Variants in ST3GAL1 observed in about 807,000 individuals in gnomAD.
ST3GAL1 encodes ST3 beta-galactoside alpha-2,3-sialyltransferase 1.
Under a neutral mutation model 34.1 loss-of-function variants are expected in ST3GAL1, and 16 were observed. The ratio of observed to expected loss-of-function variants is 0.47; its 90% confidence interval spans 0.32 to 0.71. The LOEUF (loss-of-function observed/expected upper bound fraction) is 0.71. ST3GAL1 is among the 30% of genes least tolerant of loss of function. The pLI is 0.04. For missense variants in ST3GAL1, 353 were observed against 447.4 expected (o/e 0.79, Z 1.90); for synonymous variants, 191 against 184.7 (o/e 1.03, Z -0.28).
intron 2 of ST3GAL1, among the ~76,000 whole-genome samples, chr8:133,518,924 A>T (rs1040016211): frequency 1.4e-4 from 21 of 152,202 alleles, no homozygotes; most frequent in Non-Finnish European, 2.9e-4. Context: ...AAGGCTCTGG[A>T]GGAGAATCTG....
chr8:133,551,621 C>A (rs908540186), intron 1 of ST3GAL1, among the ~76,000 whole-genome samples: 4 of 147,702 alleles, frequency 2.7e-5, no homozygotes, highest in African/African-American at 1.0e-4. Context: ...AAAGAAAGAG[C>A]GAGCAAGCCT....
Position 133,458,698 on chromosome 8 carries a change from AG to A in ST3GAL1, c.*1065del, listed in dbSNP as rs1373125636. On this transcript the variant is annotated 3_prime_UTR_variant, in exon 10 of 10. Transcript: ENST00000522652. The stretch of plus-strand genomic sequence containing the variant: ...TGGTGGGGGTCCCTTTTCCCAAGTA[AG>A]GGCTTTTGTTTCATTTCAGCCAATG... 6.6e-6 allele frequency: 1 copy of A among 152,110 alleles called. No individual in the cohort carries two copies. The highest frequency in any genetic ancestry group is 1.5e-5 in the Non-Finnish European group (1 of 68,020). 9.4% of individuals were successfully genotyped at this position (152,110 alleles called of 1,614,324 possible).
intron 3 of ST3GAL1, among the ~76,000 whole-genome samples, chr8:133,497,575 C>A (rs1172139448): frequency 2.1e-5 from 3 of 142,980 alleles, no homozygotes; most frequent in African/African-American, 7.8e-5. Flanking sequence ...TGGGTTCAAG[C>A]AATTCTCCTG....
intron 1 of ST3GAL1, among the ~76,000 whole-genome samples, chr8:133,561,987 G>A (rs1040083432): frequency 2.0e-5 from 3 of 152,028 alleles, no homozygotes; most frequent in Non-Finnish European, 4.4e-5. Flanking sequence ...AGCTACTCAG[G>A]AGGCTGAGGT....
intron 3 of ST3GAL1, among the ~76,000 whole-genome samples, chr8:133,481,717 A>T (rs1005645458): frequency 1.3e-5 from 2 of 151,982 alleles, no homozygotes; most frequent in Admixed American, 1.3e-4. Context: ...GCTGGTCTCG[A>T]ACTCTCGACC....
chr8:133,479,313 A>G (rs749011218), intron 3 of ST3GAL1, among the ~76,000 whole-genome samples: 6 of 151,884 alleles, frequency 4.0e-5, no homozygotes, highest in Non-Finnish European at 8.8e-5. Flanking sequence ...TGGATCAGAC[A>G]CAGTGTGGAG....
intron 7 of ST3GAL1, among the ~76,000 whole-genome samples, chr8:133,463,893 C>A (rs924040369): frequency 1.3e-5 from 2 of 152,172 alleles, no homozygotes; most frequent in African/African-American, 4.8e-5. Flanking sequence ...CAAAGCTGGT[C>A]CCACGGGTGT....
At chr8:133,479,320 GGAGGA>G (rs1418851859) in intron 3 of ST3GAL1, among the ~76,000 whole-genome samples, 1 of 152,110 alleles carries the variant, frequency 6.6e-6, no homozygotes, top group Non-Finnish European at 1.5e-5. Flanking sequence ...GACACAGTGT[GGAGGA>G]GAGGAGTGGG....
chr8:133,550,776 T>C (rs565032595), intron 1 of ST3GAL1, among the ~76,000 whole-genome samples: 60 of 152,312 alleles, frequency 3.9e-4, no homozygotes, highest in Middle Eastern at 3.4e-3. Context: ...TCTGAACCCA[T>C]AAATCATTAT....
At chr8:133,561,108 CTTTTTTT>C (rs765993286) in intron 1 of ST3GAL1, among the ~76,000 whole-genome samples, 7 of 106,226 alleles carry the variant, frequency 6.6e-5, no homozygotes, top group Non-Finnish European at 1.1e-4. Context: ...CCAGAGCCAT[CTTTTTTT>C]TTTTTTTTTT....
rs1815514907 is a variant in ST3GAL1 at position 133,461,739 on chromosome 8, T to C, written c.849+136A>G. ...CCTGGGAGACACATGTTGCAAGTCCTGTCGTAGAGACAGGGAATCCGAGCT... is the reference window on the plus strand; with the variant it reads ...CCTGGGAGACACATGTTGCAAGTCCCGTCGTAGAGACAGGGAATCCGAGCT... On this transcript the variant is annotated intron_variant, in intron 9 of 9. Coordinates refer to ENST00000522652, the MANE Select transcript of ST3GAL1 (RefSeq NM_173344.3). The surrounding 1 kb of genome is among the most constrained non-coding windows in gnomAD (Gnocchi z 4.7). 5 of 1,271,854 alleles carry C rather than the reference T, an allele frequency of 3.9e-6. No homozygotes were observed. The highest frequency in any genetic ancestry group is 4.4e-6 in the Non-Finnish European group (4 of 911,648). The allele number at this position is 1,271,854 out of a possible 1,614,324, so 78.8% of individuals were successfully genotyped here. A position where few individuals can be genotyped will look rare whatever the true frequency, so the allele number is the denominator to read the frequency against.
chr8:133,567,943 G>C (rs116623362), intron 1 of ST3GAL1, among the ~76,000 whole-genome samples: 5,860 of 142,602 alleles, frequency 0.041, 408 homozygotes, highest in African/African-American at 0.14. Flanking sequence ...TTTTTTTTGA[G>C]ACAGTCTCAC....
intron 5 of ST3GAL1, among the ~76,000 whole-genome samples, chr8:133,468,818 G>A (rs938189123): frequency 3.3e-5 from 5 of 152,182 alleles, no homozygotes; most frequent in Admixed American, 6.5e-5. Context: ...AGACTCCTGG[G>A]TGATGCTGCT....
rs1014540940 is a variant in ST3GAL1, at chr8:133,549,555, C to T, written c.-581-3629G>A. The stretch of plus-strand genomic sequence containing the variant: ...AGACTCTTCATGAAGCAACGCATAA[C>T]ATCTTGAACCAATTCTTTCATTGGT... On this transcript the variant is annotated intron_variant, in intron 1 of 9. Coordinates refer to ENST00000522652, the MANE Select transcript of ST3GAL1 (RefSeq NM_173344.3). Among the ~76,000 whole-genome samples, 25 of 152,344 alleles carry T rather than the reference C, an allele frequency of 1.6e-4. 1 individual carries two copies. Among genetic ancestry groups the T allele is most frequent in the African/African-American group, 5.5e-4 (23 of 41,582 alleles).
intron 2 of ST3GAL1, among the ~76,000 whole-genome samples, chr8:133,540,291 G>A (rs796794550): frequency 7.9e-5 from 12 of 152,184 alleles, no homozygotes; most frequent in African/African-American, 2.4e-4. Flanking sequence ...ACAGCTCCTC[G>A]CTGCTGCCCA....
At chr8:133,474,714 G>C (rs1816100835) in intron 5 of ST3GAL1, among the ~76,000 whole-genome samples, 1 of 152,118 alleles carries the variant, frequency 6.6e-6, no homozygotes, top group Non-Finnish European at 1.5e-5. Flanking sequence ...GCAGTGCATG[G>C]TCCTGCTCTT....
intron 2 of ST3GAL1, among the ~76,000 whole-genome samples, chr8:133,522,269 C>T (rs1817834859): frequency 6.6e-6 from 1 of 152,186 alleles, no homozygotes; most frequent in Non-Finnish European, 1.5e-5. Context: ...GCAGACCCAG[C>T]AACATTTTTT....
At chr8:133,512,143 AG>A (rs1817514933) in intron 2 of ST3GAL1, among the ~76,000 whole-genome samples, 1 of 152,196 alleles carries the variant, frequency 6.6e-6, no homozygotes, top group South Asian at 2.1e-4. Context: ...TTGAAAATCA[AG>A]GAAACCAGTG....
In ST3GAL1 at chr8:133,475,942, T is replaced by C; in HGVS notation, c.83A>G (p.Tyr28Cys). 6.2e-7 allele frequency: 1 copy of C among 1,613,456 alleles called. No homozygotes were observed. The highest frequency in any genetic ancestry group is 8.5e-7 in the Non-Finnish European group (1 of 1,179,922). ...FIFLTSFFLN[Y>C]SHTMVATTWF... The stretch of plus-strand genomic sequence containing the variant: ...GGTGGTGGCCACCATGGTGTGGGAG[T>C]AGTTCAGGAAGAAGGAGGTGAGGAA... The change falls in exon 5 of 10, where the codon TAC (tyrosine) becomes TGC (cysteine). Residue 28 changes from tyrosine to cysteine, a missense_variant. Physicochemically the swap from Tyr to Cys is radical, Grantham distance 194. Transcript: ENST00000522652.
Sources: allele counts gnomAD v4.1 joint callset (sites outside exome capture counted in the v4.1 genomes callset), GRCh38; gene constraint gnomAD v4.1.1; non-coding constraint Gnocchi (gnomAD v3.1); transcripts MANE v1.5; gene names NCBI Gene and HGNC (gene_info 2026-07-23, HGNC 2026-07-21).